ATP5F1A: variants seen among roughly 807,000 people sequenced by gnomAD.
ATP5F1A encodes ATP synthase F1 subunit alpha, also known as ATP synthase F(1) complex subunit alpha, mitochondrial.
Under a neutral mutation model 57.4 loss-of-function variants are expected in ATP5F1A, and 24 were observed. The observed-to-expected ratio is 0.42, with a 90% CI of 0.30 to 0.59. The LOEUF (loss-of-function observed/expected upper bound fraction) is 0.59. Among genes scored for constraint, ATP5F1A ranks in the 20% least tolerant of loss-of-function variants. The pLI is 0.19. For missense variants in ATP5F1A, 494 were observed against 707.9 expected, an observed-to-expected ratio of 0.70 and a Z score of 3.43; for synonymous variants, 251 against 255.5, an observed-to-expected ratio of 0.98 and a Z score of 0.17.
In ATP5F1A at chr18:46,087,029, G is replaced by T; in HGVS notation, c.1155C>A (p.Val385=). Residue 385 remains valine, a synonymous_variant, in exon 8 of 12, where the codon GTC becomes GTA. Coordinates refer to ENST00000398752, the MANE Select transcript of ATP5F1A (RefSeq NM_004046.6). Reference sequence around the variant, plus strand: ...ATACCTGTCCGTCAGTGATGGAAATGACATTTGTTGGAATGTAAGCAGACA... The same window carrying T: ...ATACCTGTCCGTCAGTGATGGAAATTACATTTGTTGGAATGTAAGCAGACA... ...GDVSAYIPTN[V]ISITDGQIFL... 1 of 1,613,912 alleles carries T rather than the reference G, an allele frequency of 6.2e-7. No individual in the cohort carries two copies. The highest frequency in any genetic ancestry group is 1.3e-5 in the African/African-American group (1 of 75,048).
At chr18:46,090,513 TCATAA>T (rs1238266047) in intron 3 of ATP5F1A, among the ~76,000 whole-genome samples, 1 of 152,220 alleles carries the variant, frequency 6.6e-6, no homozygotes, top group Non-Finnish European at 1.5e-5. Context: ...ATACAAATTT[TCATAA>T]CATAACAGCA....
intron 2 of ATP5F1A, among the ~76,000 whole-genome samples, chr18:46,094,002 G>A (rs920488426): frequency 1.8e-4 from 27 of 152,010 alleles, no homozygotes; most frequent in African/African-American, 5.8e-4. Flanking sequence ...ACCTACTCGG[G>A]AGGCTGAGGC....
intron 1 of ATP5F1A, among the ~76,000 whole-genome samples, chr18:46,096,610 A>G (rs895494198): frequency 6.6e-6 from 1 of 151,930 alleles, no homozygotes; most frequent in Non-Finnish European, 1.5e-5. Flanking sequence ...AGTTGCAGGA[A>G]TTCTAAGATA....
At chr18:46,102,830 C>T (rs553802750), upstream of ATP5F1A, among the ~76,000 whole-genome samples, 1 of 152,072 alleles carries the variant, frequency 6.6e-6, no homozygotes, top group Non-Finnish European at 1.5e-5. Context: ...CGCCTATAGT[C>T]CCAGCTACTA....
chr18:46,080,512 A>C lies in ATP5F1A; in HGVS notation c.*3770T>G, dbSNP rs980656624. The C allele has an allele frequency of 3.3e-5, 5 of 152,224 alleles. No individual in the cohort carries two copies. The highest frequency in any genetic ancestry group is 5.9e-5 in the Non-Finnish European group (4 of 68,050). 9.4% of individuals were successfully genotyped at this position (152,224 alleles called of 1,614,324 possible). A position where few individuals can be genotyped will look rare whatever the true frequency, so the allele number is the denominator to read the frequency against. ...GTACTTAGTAAAAAGCAGTATTTGAATCTCATGGTTCATTGCTGTAACAGA... is the reference window on the plus strand; with the variant it reads ...GTACTTAGTAAAAAGCAGTATTTGACTCTCATGGTTCATTGCTGTAACAGA... On this transcript the variant is annotated 3_prime_UTR_variant, in exon 12 of 12. Transcript: ENST00000398752.
In ATP5F1A at chr18:46,098,155, C is replaced by G. The variant is rs777350972; in HGVS notation, c.60+17G>C. ...CCCCACCCGGCCGCCTGCATCATGC[C>G]GGCCTTCGGTGCTCACCAGTCCGGC... is the stretch of plus-strand genomic sequence containing the variant. On this transcript the variant is annotated intron_variant, in intron 1 of 11. Transcript: ENST00000398752. 5 of 1,596,814 alleles carry G rather than the reference C, an allele frequency of 3.1e-6. No homozygotes were observed. Among genetic ancestry groups the G allele is most frequent in the Non-Finnish European group, 4.3e-6 (5 of 1,175,216 alleles).
At chr18:46,095,160 A>T (rs571634598) in intron 1 of ATP5F1A, 29 bp from the exon 2 acceptor site, 1 of 1,604,850 alleles carries the variant, frequency 6.2e-7, no homozygotes, top group African/African-American at 1.3e-5. Flanking sequence ...TAAAAATTTG[A>T]TTTTTAACAA....
Position 46,090,016 on chromosome 18 carries a change from G to C in ATP5F1A, c.310-20C>G, listed in dbSNP as rs948202208. ...CATACCCTGCACAAAAGACACAATT[G>C]AACATCAATGAAGCTGAATGGGCAC... On this transcript the variant is annotated intron_variant, in intron 3 of 11. Coordinates refer to ENST00000398752, the MANE Select transcript of ATP5F1A (RefSeq NM_004046.6). 7.3e-7 allele frequency: 1 copy of C among 1,372,880 alleles called. No individual in the cohort carries two copies. Among genetic ancestry groups the C allele is most frequent in the Non-Finnish European group, 9.5e-7 (1 of 1,054,718 alleles). The allele number at this position is 1,372,880 out of a possible 1,614,324, so 85.0% of individuals were successfully genotyped here.
chr18:46,094,952 A>C, intron 2 of ATP5F1A, 101 bp downstream of exon 2: 1 of 1,395,178 alleles, frequency 7.2e-7, no homozygotes, highest in Non-Finnish European at 9.4e-7. Context: ...AAACTAGAGA[A>C]AAAACTAACA....
intron 10 of ATP5F1A, 112 bp downstream of exon 10, chr18:46,086,001 T>TAAC: frequency 8.5e-7 from 1 of 1,178,366 alleles, no homozygotes; most frequent in South Asian, 1.9e-5. Context: ...TGATGAAAGA[T>TAAC]AACAGATAAC....
intron 1 of ATP5F1A, among the ~76,000 whole-genome samples, chr18:46,103,859 A>G (rs2144236833): frequency 6.6e-6 from 1 of 152,112 alleles, no homozygotes; most frequent in South Asian, 2.1e-4. Flanking sequence ...GGTTGCAGTG[A>G]GCCGAGATCA....
intron 10 of ATP5F1A, 137 bp downstream of exon 10, chr18:46,085,976 A>G: frequency 1.1e-6 from 1 of 945,780 alleles, no homozygotes; most frequent in East Asian, 2.7e-5. Context: ...AATGTAGTTT[A>G]AGTAAAAGTG....
At chr18:46,100,269 A>AG (rs1483366476), upstream of ATP5F1A, among the ~76,000 whole-genome samples, 12 of 149,788 alleles carry the variant, frequency 8.0e-5, no homozygotes, top group Non-Finnish European at 1.0e-4. Context: ...AAAAAAAAAA[A>AG]AAAGAAAGAA....
intron 1 of ATP5F1A, among the ~76,000 whole-genome samples, chr18:46,096,457 G>T (rs560025104): frequency 7.6e-6 from 1 of 130,804 alleles, no homozygotes; most frequent in East Asian, 2.2e-4. Flanking sequence ...CCAAGATCGC[G>T]CCACTGCACT....
intron 1 of ATP5F1A, chr18:46,104,056 A>C (rs1322510930): frequency 1.2e-5 from 3 of 248,622 alleles, no homozygotes; most frequent in African/African-American, 6.6e-5. Context: ...CTTGCTAAGC[A>C]AGAACCAAAC....
At chr18:46,086,308 C>A in intron 9 of ATP5F1A, 51 bp from the exon 10 acceptor site, 1 of 1,599,426 alleles carries the variant, frequency 6.3e-7, no homozygotes, top group Non-Finnish European at 8.5e-7. Context: ...GAGCACTATA[C>A]AAATATAGTT....
intron 10 of ATP5F1A, 29 bp from the exon 11 acceptor site, chr18:46,084,683 G>A: frequency 2.0e-6 from 3 of 1,517,586 alleles, no homozygotes; most frequent in South Asian, 1.3e-5. Flanking sequence ...AATGCCAAGT[G>A]AGTTGCTCAA....
At chr18:46,088,653 G>C (rs1267820686) in intron 5 of ATP5F1A, 2 of 156,912 alleles carry the variant, frequency 1.3e-5, no homozygotes, top group Non-Finnish European at 2.8e-5. Context: ...ATTGTGCAAG[G>C]TTTCTCCCCA....
intron 1 of ATP5F1A, chr18:46,097,805 G>A (rs1486785010): frequency 1.9e-6 from 2 of 1,069,036 alleles, no homozygotes; most frequent in Non-Finnish European, 2.3e-6. Flanking sequence ...AGCGGGACGC[G>A]ACCCTAAGAA....
Sources: allele counts gnomAD v4.1 joint callset (sites outside exome capture counted in the v4.1 genomes callset), GRCh38; gene constraint gnomAD v4.1.1; transcripts MANE v1.5; gene names NCBI Gene and HGNC (gene_info 2026-07-23, HGNC 2026-07-21).